Variants in NELL2 observed in about 807,000 individuals in gnomAD.
NELL2 encodes the protein neural EGFL like 2, also known as protein kinase C-binding protein NELL2.
A neutral mutation model predicts 109.6 loss-of-function variants in NELL2; 41 were observed. That is an observed-to-expected ratio of 0.37 (90% CI 0.29 to 0.49). The LOEUF is 0.49. NELL2 is among the 20% of genes least tolerant of loss of function. The pLI is 0.98. For synonymous variants in NELL2, 355 were observed against 344.7 expected, an observed-to-expected ratio of 1.03 and a Z score of -0.33; for missense variants, 900 against 1,008.3, an observed-to-expected ratio of 0.89 and a Z score of 1.45.
intron 11 of NELL2, among the ~76,000 whole-genome samples, chr12:44,707,431 A>C (rs1040382697): frequency 6.6e-6 from 1 of 152,170 alleles, no homozygotes; most frequent in Non-Finnish European, 1.5e-5. Flanking sequence ...AAACTGAGAG[A>C]TGCATCAAGA....
chr12:44,774,681 T>C (rs574717790), intron 9 of NELL2, 66 bp downstream of exon 9: 436 of 1,284,444 alleles, frequency 3.4e-4, no homozygotes, highest in Non-Finnish European at 4.6e-4. Flanking sequence ...CAATGATGGG[T>C]GAATACTTAT....
chr12:44,535,177 T>C (rs1942240180), intron 15 of NELL2, among the ~76,000 whole-genome samples: 1 of 152,032 alleles, frequency 6.6e-6, no homozygotes, highest in Admixed American at 6.6e-5. Context: ...GGCATTATCT[T>C]ATTTAATTAT....
chr12:44,812,584 T>C (rs559507817), intron 3 of NELL2, among the ~76,000 whole-genome samples: 33 of 152,078 alleles, frequency 2.2e-4, no homozygotes, highest in African/African-American at 7.7e-4. Context: ...AAGCAGAAAA[T>C]AATGAAATAA....
intron 15 of NELL2, among the ~76,000 whole-genome samples, chr12:44,577,582 A>G (rs1944151591): frequency 6.9e-6 from 1 of 144,610 alleles, no homozygotes; most frequent in Non-Finnish European, 1.5e-5. Flanking sequence ...GGTTCACACC[A>G]TTCTCCTGCC....
intron 2 of NELL2, among the ~76,000 whole-genome samples, chr12:44,850,685 CAG>C (rs1306066379): frequency 2.0e-4 from 30 of 152,224 alleles, no homozygotes; most frequent in Admixed American, 8.5e-4. Context: ...TAAAGCACCT[CAG>C]AGTCATTGCA....
Position 44,896,613 on chromosome 12 carries a change from A to T in NELL2, c.38+17186T>A, listed in dbSNP as rs552024481. 2.6e-5 allele frequency among the ~76,000 whole-genome samples: 4 copies of T among 152,366 alleles called. No homozygotes were observed. The South Asian group carries it at 8.3e-4, about 32-fold the overall frequency. On this transcript the variant is annotated intron_variant, in intron 1 of 20. Coordinates refer to the NELL2 transcript ENST00000333837. ...AAAAGTATTGAGTAAAGCAATATGT[A>T]ATTGATTTTATAAGAAAAATATCAC... is the stretch of plus-strand genomic sequence containing the variant.
chr12:44,699,531 C>T (rs890279135), intron 12 of NELL2, among the ~76,000 whole-genome samples: 1 of 152,090 alleles, frequency 6.6e-6, no homozygotes, highest in East Asian at 1.9e-4. Flanking sequence ...CCTTCTTTAG[C>T]TTCAGGTCCC....
At chr12:44,808,126 G>A (rs1202074676) in intron 3 of NELL2, among the ~76,000 whole-genome samples, 3 of 152,060 alleles carry the variant, frequency 2.0e-5, no homozygotes, top group Non-Finnish European at 2.9e-5. Context: ...GTTAGTCTAT[G>A]GGCTGCGGCA....
chr12:44,875,047 G>C (rs1249595945), intron 2 of NELL2, 178 bp downstream of exon 2: 2 of 750,472 alleles, frequency 2.7e-6, no homozygotes, highest in Non-Finnish European at 4.1e-6. Flanking sequence ...GGGTGAGGCA[G>C]GGGAGAAAAA....
chr12:44,777,189 A>C, intron 6 of NELL2, 53 bp downstream of exon 6: 1 of 1,608,694 alleles, frequency 6.2e-7, no homozygotes, highest in Non-Finnish European at 8.5e-7. Flanking sequence ...GGTTAAGTCT[A>C]TGCTGACAAG....
intron 14 of NELL2, among the ~76,000 whole-genome samples, chr12:44,609,479 C>T (rs529681805): frequency 1.4e-4 from 22 of 152,148 alleles, no homozygotes; most frequent in Middle Eastern, 3.4e-3. Context: ...CTAGAATTTT[C>T]CATTTAACAT....
intron 15 of NELL2, among the ~76,000 whole-genome samples, chr12:44,548,099 G>A (rs1393170154): frequency 6.6e-6 from 1 of 152,018 alleles, no homozygotes; most frequent in Non-Finnish European, 1.5e-5. Flanking sequence ...AACACAGCCT[G>A]GTACACATTA....
chr12:44,591,042 C>T (rs190827849), intron 15 of NELL2, among the ~76,000 whole-genome samples: 200 of 152,176 alleles, frequency 1.3e-3, no homozygotes, highest in Non-Finnish European at 2.4e-3. Flanking sequence ...CATCAATAAT[C>T]ATCAGGGAAA....
chr12:44,620,751 C>A (rs1261517928), intron 13 of NELL2, among the ~76,000 whole-genome samples: 1 of 152,116 alleles, frequency 6.6e-6, no homozygotes, highest in African/African-American at 2.4e-5. Context: ...GTTCTCATTT[C>A]TGTCCTCCCA....
At chr12:44,617,748 G>GA (rs1476669266) in intron 13 of NELL2, among the ~76,000 whole-genome samples, 1 of 146,368 alleles carries the variant, frequency 6.8e-6, no homozygotes, top group South Asian at 2.3e-4. Context: ...TTTAAAGGAT[G>GA]AAAGTAAAAT....
At chr12:44,547,339 C>T (rs1042026701) in intron 15 of NELL2, among the ~76,000 whole-genome samples, 9 of 152,138 alleles carry the variant, frequency 5.9e-5, no homozygotes, top group Non-Finnish European at 1.3e-4. Flanking sequence ...AATTATAGCA[C>T]GTGCATAAAA....
At chr12:44,577,527 T>A (rs185768448) in intron 15 of NELL2, among the ~76,000 whole-genome samples, 55 of 135,778 alleles carry the variant, frequency 4.1e-4, no homozygotes, top group African/African-American at 1.6e-3. Flanking sequence ...CAGGCTGGAG[T>A]GCAGTGGCAC....
chr12:44,579,998 A>G (rs1272317774), intron 15 of NELL2, among the ~76,000 whole-genome samples: 1 of 152,158 alleles, frequency 6.6e-6, no homozygotes, highest in Non-Finnish European at 1.5e-5. Flanking sequence ...TTTTATATAC[A>G]TTATTTAACT....
chr12:44,894,980 C>A (rs1029684598), intron 1 of NELL2, among the ~76,000 whole-genome samples: 10 of 152,166 alleles, frequency 6.6e-5, no homozygotes, highest in Non-Finnish European at 1.3e-4. Flanking sequence ...TTATATGCAT[C>A]ATAACTTAAT....
Sources: allele counts gnomAD v4.1 joint callset (sites outside exome capture counted in the v4.1 genomes callset), GRCh38; gene constraint gnomAD v4.1.1; transcripts MANE v1.5; gene names NCBI Gene and HGNC (gene_info 2026-07-23, HGNC 2026-07-21).